Variants in SUPT3H observed in about 807,000 individuals in gnomAD.
SUPT3H encodes the protein SPT3 homolog, SAGA and STAGA complex component, also known as transcription initiation protein SPT3 homolog.
A neutral mutation model predicts 44.3 loss-of-function variants in SUPT3H; 44 were observed. The observed-to-expected ratio is 0.99, with a 90% CI of 0.78 to 1.28. SUPT3H has a LOEUF of 1.28. Ranked by LOEUF, SUPT3H falls within the 50% of genes most tolerant of loss-of-function variation. The pLI is 0.00. For missense variants in SUPT3H, 380 were observed against 387.1 expected, an observed-to-expected ratio of 0.98 and a Z score of 0.15; for synonymous variants, 124 against 125.6, an observed-to-expected ratio of 0.99 and a Z score of 0.09.
intron 3 of SUPT3H, among the ~76,000 whole-genome samples, chr6:45,035,678 C>T (rs760130032): frequency 2.0e-5 from 3 of 151,932 alleles, no homozygotes; most frequent in Non-Finnish European, 2.9e-5. Context: ...TATCCAAAAC[C>T]GTATTTATTT....
intron 3 of SUPT3H, among the ~76,000 whole-genome samples, chr6:45,038,372 A>G (rs1405446165): frequency 6.6e-6 from 1 of 152,180 alleles, no homozygotes; most frequent in East Asian, 1.9e-4. Context: ...TAAAATCAAA[A>G]TGGATGAAAA....
At chr6:45,279,946 T>C (rs1344934495) in intron 2 of SUPT3H, among the ~76,000 whole-genome samples, 1 of 152,204 alleles carries the variant, frequency 6.6e-6, no homozygotes, top group East Asian at 1.9e-4. Flanking sequence ...CACTCCATGA[T>C]AGCTGATGAC....
At chr6:44,832,057 A>C (rs764391020) in intron 10 of SUPT3H, among the ~76,000 whole-genome samples, 1 of 152,044 alleles carries the variant, frequency 6.6e-6, no homozygotes, top group Non-Finnish European at 1.5e-5. Flanking sequence ...TTCAGTAAAC[A>C]TATTCCCTAG....
intron 6 of SUPT3H, among the ~76,000 whole-genome samples, chr6:44,987,097 AG>A (rs1779901166): frequency 1.3e-5 from 2 of 152,114 alleles, no homozygotes; most frequent in South Asian, 4.1e-4. Context: ...CCTGGCTTAC[AG>A]ATAGCTGTCT....
intron 2 of SUPT3H, among the ~76,000 whole-genome samples, chr6:45,259,496 C>G (rs949970003): frequency 4.6e-5 from 7 of 151,924 alleles, no homozygotes. Flanking sequence ...ACTATAAAAC[C>G]CTGTAATTGA....
At chr6:45,057,251 C>T (rs968612285) in intron 3 of SUPT3H, among the ~76,000 whole-genome samples, 6 of 151,854 alleles carry the variant, frequency 4.0e-5, no homozygotes, top group Admixed American at 2.6e-4. Flanking sequence ...ATCAATTCTT[C>T]CTAGAGAGAA....
At chr6:45,295,729 C>A (rs1339437742) in intron 2 of SUPT3H, among the ~76,000 whole-genome samples, 3 of 151,930 alleles carry the variant, frequency 2.0e-5, no homozygotes, top group Admixed American at 2.0e-4. Context: ...AGAAGATATG[C>A]AAATGGCCAA....
chr6:45,311,355 A>G (rs1189525284), intron 2 of SUPT3H, among the ~76,000 whole-genome samples: 1 of 152,216 alleles, frequency 6.6e-6, no homozygotes, highest in East Asian at 1.9e-4. Context: ...GTTCCTGAGG[A>G]AGAAGACAAT....
At chr6:45,325,953 T>C (rs1266258417) in intron 2 of SUPT3H, among the ~76,000 whole-genome samples, 1 of 151,876 alleles carries the variant, frequency 6.6e-6, no homozygotes, top group Non-Finnish European at 1.5e-5. Context: ...GATTTCACTA[T>C]CTTTCTCCTG....
At chr6:45,049,624 CTG>C (rs1789956314) in intron 3 of SUPT3H, among the ~76,000 whole-genome samples, 1 of 152,190 alleles carries the variant, frequency 6.6e-6, no homozygotes, top group Non-Finnish European at 1.5e-5. Flanking sequence ...GTTTAAGTGA[CTG>C]TAAGAGCAGG....
chr6:45,113,119 G>A (rs182953666), intron 2 of SUPT3H, among the ~76,000 whole-genome samples: 27 of 147,824 alleles, frequency 1.8e-4, no homozygotes, highest in African/African-American at 5.2e-4. Context: ...TTTTTTTTCC[G>A]TTCAAAGCAT....
chr6:44,915,959 G>T (rs979366377), intron 10 of SUPT3H, among the ~76,000 whole-genome samples: 3 of 152,054 alleles, frequency 2.0e-5, no homozygotes, highest in Admixed American at 2.0e-4. Context: ...CTCATATTTG[G>T]CTCAGAATAA....
chr6:44,925,594 T>C (rs1769395501), intron 10 of SUPT3H, among the ~76,000 whole-genome samples: 1 of 152,160 alleles, frequency 6.6e-6, no homozygotes, highest in South Asian at 2.1e-4. Context: ...ATATCAGCAA[T>C]TTACAGCACT....
intron 2 of SUPT3H, among the ~76,000 whole-genome samples, chr6:45,333,091 C>G (rs1411894850): frequency 1.3e-5 from 2 of 151,626 alleles, no homozygotes; most frequent in African/African-American, 4.8e-5. Context: ...GAAAATTCTT[C>G]ATCAAATCTG....
In SUPT3H at chr6:45,158,289, TA is replaced by T. The variant is rs1562572848; in HGVS notation, c.102-52284del. 1.6e-3 allele frequency among the ~76,000 whole-genome samples: 73 copies of T among 44,748 alleles called. 5 individuals are homozygous for T. Among genetic ancestry groups the T allele is most frequent in the South Asian group, 0.016 (20 of 1,264 alleles). 29.4% of individuals were successfully genotyped at this position (44,748 alleles called of 152,430 possible). On this transcript the variant is annotated intron_variant, in intron 2 of 10. Transcript: ENST00000371459. ...ATATAAATATACATATATATATATA[TA>T]TATATATATTTTTTTTTTTTTTTTT...
chr6:44,991,065 C>T (rs1005865820), intron 6 of SUPT3H, among the ~76,000 whole-genome samples: 1 of 151,872 alleles, frequency 6.6e-6, no homozygotes, highest in Non-Finnish European at 1.5e-5. Context: ...CTGTCTTCTA[C>T]TATTTGAGGT....
intron 10 of SUPT3H, among the ~76,000 whole-genome samples, chr6:44,929,029 T>C (rs1770108412): frequency 1.3e-5 from 2 of 151,904 alleles, no homozygotes; most frequent in East Asian, 3.9e-4. Context: ...TTCACAGGTG[T>C]GTGGCAGGTG....
intron 3 of SUPT3H, among the ~76,000 whole-genome samples, chr6:45,046,908 A>AT (rs1162943488): frequency 2.5e-4 from 38 of 152,154 alleles, no homozygotes; most frequent in Admixed American, 1.6e-3. Context: ...TCATTTAGCA[A>AT]TGTTTTATAA....
intron 2 of SUPT3H, among the ~76,000 whole-genome samples, chr6:45,121,120 CAG>C (rs780586615): frequency 2.0e-5 from 3 of 152,030 alleles, no homozygotes; most frequent in Admixed American, 1.3e-4. Flanking sequence ...ATACTGTTTC[CAG>C]AGAGTTTGAT....
Sources: gnomAD v4.1 joint callset for allele counts (sites outside exome capture counted in the v4.1 genomes callset) on GRCh38, gnomAD v4.1.1 for gene constraint, MANE v1.5 for transcripts, NCBI Gene and HGNC (gene_info 2026-07-23, HGNC 2026-07-21) for gene names.